The following RAB3GAP1 variants were observed in gnomAD, a reference collection of about 807,000 sequenced individuals.
RAB3GAP1 encodes RAB3 GTPase activating protein catalytic subunit 1.
In RAB3GAP1, 86 loss-of-function variants were observed where a neutral mutation model predicts 130.7. That is an observed-to-expected ratio of 0.66 (90% CI 0.55 to 0.79). The LOEUF is 0.79. Among genes scored for constraint, RAB3GAP1 ranks in the 30% least tolerant of loss-of-function variants. The pLI, the probability that RAB3GAP1 is intolerant of heterozygous loss-of-function variation, is 0.00. For missense variants in RAB3GAP1, 1,029 were observed against 1,169.4 expected (o/e 0.88, Z 1.75); for synonymous variants, 367 against 401.7 (o/e 0.91, Z 1.03).
chr2:135,089,932 G>T, intron 3 of RAB3GAP1: 1 of 248,536 alleles, frequency 4.0e-6, no homozygotes, highest in South Asian at 3.5e-5. Context: ...ACTGGGACCT[G>T]TTGCGGGAGG....
At chr2:135,098,316 A>G (rs1690357056) in intron 5 of RAB3GAP1, among the ~76,000 whole-genome samples, 2 of 152,320 alleles carry the variant, frequency 1.3e-5, no homozygotes, top group South Asian at 2.1e-4. Flanking sequence ...TCTAGAAAAG[A>G]CAGCACTAAG....
intron 2 of RAB3GAP1, among the ~76,000 whole-genome samples, chr2:135,052,975 G>A (rs1201492907): frequency 6.6e-6 from 1 of 152,122 alleles, no homozygotes; most frequent in Non-Finnish European, 1.5e-5. Context: ...CCATCTCCAT[G>A]CTGTCTTTAA....
At chr2:135,052,660 C>T (rs767917368) in intron 2 of RAB3GAP1, among the ~76,000 whole-genome samples, 175 bp downstream of exon 2, 1 of 152,148 alleles carries the variant, frequency 6.6e-6, no homozygotes, top group Admixed American at 6.5e-5. Flanking sequence ...TTCCGCGTCT[C>T]GCGTCTGGCA....
At chr2:135,059,517 T>A (rs2104824053) in intron 3 of RAB3GAP1, among the ~76,000 whole-genome samples, 1 of 152,272 alleles carries the variant, frequency 6.6e-6, no homozygotes, top group African/African-American at 2.4e-5. Flanking sequence ...ATTTTTTAAA[T>A]TGATATATGA....
rs371438889 is a variant in RAB3GAP1, at chr2:135,072,250, G to A, written c.150+14164G>A. On this transcript the variant is annotated intron_variant, in intron 3 of 23. Coordinates refer to ENST00000264158, the MANE Select transcript of RAB3GAP1 (RefSeq NM_012233.3). ...GTTGGAGGAAGGGACTTATCGGAGA[G>A]GGGGAGCATGTTAAGACATAACTAG... Among the ~76,000 whole-genome samples the A allele has an allele frequency of 6.6e-5, 10 of 152,314 alleles. No homozygotes were observed. The South Asian group carries it at 2.1e-3, about 32-fold the overall frequency.
At chr2:135,153,542 T>C in intron 18 of RAB3GAP1, 107 bp from the exon 19 acceptor site, 3 of 990,816 alleles carry the variant, frequency 3.0e-6, no homozygotes, top group Non-Finnish European at 4.8e-6. Flanking sequence ...ACATATTAGA[T>C]TGTAAAGATT....
At chr2:135,079,035 T>G (rs549009856) in intron 3 of RAB3GAP1, among the ~76,000 whole-genome samples, 2 of 152,172 alleles carry the variant, frequency 1.3e-5, no homozygotes, top group South Asian at 4.1e-4. Flanking sequence ...GCCCGGCTAA[T>G]TTTTTCTTTA....
chr2:135,093,704 C>A lies in RAB3GAP1; in HGVS notation c.362+11C>A. 1 of 1,589,688 alleles carries A rather than the reference C, an allele frequency of 6.3e-7. No homozygotes were observed. The stretch of plus-strand genomic sequence containing the variant: ...TTGCCTGGTAAGATGGTAGGTATAT[C>A]TTTTACTCAGTATCTTTTAGTATGT... On this transcript the variant is annotated intron_variant, in intron 5 of 23. Transcript: ENST00000264158.
Position 135,170,682 on chromosome 2 carries a change from C to T in RAB3GAP1, c.*1901C>T, listed in dbSNP as rs377410397. ...TACATTCATGTATTCATTGGCAGTACGGAGTAATAAATGCAGCAATGTCAT... is the reference window on the plus strand; with the variant it reads ...TACATTCATGTATTCATTGGCAGTATGGAGTAATAAATGCAGCAATGTCAT... On this transcript the variant is annotated 3_prime_UTR_variant, in exon 24 of 24. Transcript: ENST00000264158. 3 of 152,118 alleles carry T rather than the reference C, an allele frequency of 2.0e-5. No homozygotes were observed. Among genetic ancestry groups the T allele is most frequent in the East Asian group, 1.9e-4 (1 of 5,150 alleles). The allele number at this position is 152,118 out of a possible 1,614,324, so 9.4% of individuals were successfully genotyped here.
chr2:135,103,694 G>A (rs1289468642), intron 5 of RAB3GAP1, among the ~76,000 whole-genome samples: 1 of 152,088 alleles, frequency 6.6e-6, no homozygotes, highest in South Asian at 2.1e-4. Flanking sequence ...TACCACCTCT[G>A]TTGCCAGATG....
chr2:135,121,580 GTTTC>G (rs1691203518), intron 8 of RAB3GAP1, among the ~76,000 whole-genome samples: 2 of 151,988 alleles, frequency 1.3e-5, no homozygotes, highest in African/African-American at 4.8e-5. Context: ...ATTCCTGGGT[GTTTC>G]TTTCACATGT....
At chr2:135,106,782 A>G (rs181353908) in intron 5 of RAB3GAP1, among the ~76,000 whole-genome samples, 2 of 150,796 alleles carry the variant, frequency 1.3e-5, no homozygotes, top group African/African-American at 4.9e-5. Context: ...AAAATAAAAA[A>G]GTAAAAAAAA....
At chr2:135,056,673 A>G (rs1689021574) in intron 2 of RAB3GAP1, among the ~76,000 whole-genome samples, 1 of 152,170 alleles carries the variant, frequency 6.6e-6, no homozygotes, top group Non-Finnish European at 1.5e-5. Context: ...CTGTGGATAT[A>G]TTAAATTTTT....
At chr2:135,141,965 C>T (rs1190890649) in intron 17 of RAB3GAP1, among the ~76,000 whole-genome samples, 1 of 152,186 alleles carries the variant, frequency 6.6e-6, no homozygotes. Flanking sequence ...ATAAGTCTAT[C>T]TGGTAGTGTA....
chr2:135,086,971 G>A (rs1301561827), intron 3 of RAB3GAP1, among the ~76,000 whole-genome samples: 8 of 151,998 alleles, frequency 5.3e-5, no homozygotes, highest in African/African-American at 2.4e-5. Context: ...CCACCTAATC[G>A]TTTTCTTAAC....
chr2:135,134,696 G>A (rs1291005051), intron 15 of RAB3GAP1, among the ~76,000 whole-genome samples: 4 of 152,130 alleles, frequency 2.6e-5, no homozygotes, highest in Admixed American at 6.5e-5. Flanking sequence ...CTGCTTAGCT[G>A]GATTCTCTCT....
intron 3 of RAB3GAP1, among the ~76,000 whole-genome samples, chr2:135,075,733 T>C (rs1409350341): frequency 6.6e-6 from 1 of 151,716 alleles, no homozygotes; most frequent in Non-Finnish European, 1.5e-5. Context: ...TCTGACGATC[T>C]CTATCTACTC....
At chr2:135,113,410 G>C (rs1690877769) in intron 6 of RAB3GAP1, 140 bp downstream of exon 6, 3 of 1,112,868 alleles carry the variant, frequency 2.7e-6, no homozygotes, top group Non-Finnish European at 2.6e-6. Context: ...AATTTGACTT[G>C]AGGTTACCTC....
chr2:135,163,117 C>T lies in RAB3GAP1; in HGVS notation c.2606+16C>T, dbSNP rs748251890. 1.3e-5 allele frequency: 21 copies of T among 1,581,366 alleles called. No homozygotes were observed. In the Admixed American group the frequency reaches 3.3e-4, roughly 25 times the overall value. ...ATCTTGAAAGGTAATTGCTATTTGG[C>T]TAATTCAGTTTTGTCTGCAGTAGGA... is the stretch of plus-strand genomic sequence containing the variant. On this transcript the variant is annotated intron_variant, in intron 22 of 23. Transcript: ENST00000264158.
Sources: gnomAD v4.1 joint callset for allele counts (sites outside exome capture counted in the v4.1 genomes callset) on GRCh38, gnomAD v4.1.1 for gene constraint, MANE v1.5 for transcripts, NCBI Gene and HGNC (gene_info 2026-07-23, HGNC 2026-07-21) for gene names.